Variants in IL1RAPL1 observed in about 807,000 individuals in gnomAD.
IL1RAPL1 encodes the protein interleukin 1 receptor accessory protein like 1.
A neutral mutation model predicts 48.4 loss-of-function variants in IL1RAPL1; 3 were observed. The ratio of observed to expected loss-of-function variants is 0.06; its 90% CI spans 0.03 to 0.16. IL1RAPL1 has a LOEUF of 0.16. IL1RAPL1 is among the 10% of genes least tolerant of loss of function. The pLI is 1.00. For missense variants in IL1RAPL1, 349 were observed against 530.6 expected (o/e 0.66, Z 3.36); for synonymous variants, 185 against 187.7 (o/e 0.99, Z 0.12).
chrX:28,989,289 A>G (rs747910979), intron 2 of IL1RAPL1, among the ~76,000 whole-genome samples: 1 of 112,547 alleles, frequency 8.9e-6, no homozygotes, highest in East Asian at 2.8e-4. Flanking sequence ...CTGCAGTGGA[A>G]GCCAATGCTT....
At chrX:28,725,644 C>A (rs779755850) in intron 1 of IL1RAPL1, among the ~76,000 whole-genome samples, 144 of 112,181 alleles carry the variant, frequency 1.3e-3, no homozygotes, top group Middle Eastern at 9.3e-3. Flanking sequence ...TCTGAATTTT[C>A]TTACCTTCTT....
intron 6 of IL1RAPL1, among the ~76,000 whole-genome samples, chrX:29,690,599 A>C (rs775847815): frequency 9.1e-6 from 1 of 109,835 alleles, no homozygotes; most frequent in Non-Finnish European, 1.9e-5. Flanking sequence ...AATGGAATTT[A>C]AAAAAAAATT....
chrX:28,730,200 A>G (rs1051153011), intron 1 of IL1RAPL1, among the ~76,000 whole-genome samples: 6 of 111,774 alleles, frequency 5.4e-5, no homozygotes, highest in Admixed American at 3.8e-4. Context: ...AAGGAAAACA[A>G]TGACAACTTT....
intron 1 of IL1RAPL1, among the ~76,000 whole-genome samples, chrX:28,746,690 C>T (rs903408818): frequency 2.7e-5 from 3 of 111,320 alleles, no homozygotes; most frequent in East Asian, 2.8e-4. Flanking sequence ...CTGCAATATC[C>T]GTGTAAGAAG....
chrX:28,887,232 G>A (rs1349133588), intron 2 of IL1RAPL1, among the ~76,000 whole-genome samples: 3 of 111,236 alleles, frequency 2.7e-5, no homozygotes, highest in Admixed American at 9.6e-5. Context: ...AGTGTTCAGC[G>A]ATCTTGCTCT....
chrX:28,829,197 T>C (rs1351771501), intron 2 of IL1RAPL1, among the ~76,000 whole-genome samples: 2 of 112,064 alleles, frequency 1.8e-5, no homozygotes, highest in Non-Finnish European at 3.8e-5. Context: ...TTGAATGCTG[T>C]ATCCTTGCTG....
At chrX:28,894,567 A>C (rs1922856427) in intron 2 of IL1RAPL1, among the ~76,000 whole-genome samples, 2 of 111,287 alleles carry the variant, frequency 1.8e-5, no homozygotes, top group Non-Finnish European at 3.8e-5. Context: ...TAGCTGAAGG[A>C]GCCGGGGAGC....
rs746079890 is a variant in IL1RAPL1, at chrX:29,250,726, T to C, written c.83-32212T>C. On this transcript the variant is annotated intron_variant, in intron 2 of 10. Transcript: ENST00000378993. The stretch of plus-strand genomic sequence containing the variant: ...TTTACTTTGATACTTCCATGTAAAC[T>C]CCTGTTTGTATCAGCAGTGGTACCT... Among the ~76,000 whole-genome samples, 81 of 111,941 alleles carry C rather than the reference T, an allele frequency of 7.2e-4. 1 individual carries two copies. The highest frequency in any genetic ancestry group is 2.6e-3 in the African/African-American group (79 of 30,918).
chrX:29,817,996 G>A (rs1040442409), intron 6 of IL1RAPL1, among the ~76,000 whole-genome samples: 1 of 111,733 alleles, frequency 8.9e-6, no homozygotes, highest in African/African-American at 3.3e-5. Flanking sequence ...ACGCTTTATA[G>A]GTCAAAGTAG....
At chrX:29,926,561 A>T (rs1031581371) in intron 8 of IL1RAPL1, among the ~76,000 whole-genome samples, 3 of 112,082 alleles carry the variant, frequency 2.7e-5, no homozygotes, top group African/African-American at 9.7e-5. Flanking sequence ...AAAGTACCAA[A>T]CCCACTTAGT....
At chrX:29,884,317 T>A (rs1190220857) in intron 6 of IL1RAPL1, among the ~76,000 whole-genome samples, 1 of 111,415 alleles carries the variant, frequency 9.0e-6, no homozygotes, top group African/African-American at 3.3e-5. Context: ...TGGTGTTCAA[T>A]TTAATAGTTA....
chrX:29,337,519 A>G (rs1317713557), intron 3 of IL1RAPL1, among the ~76,000 whole-genome samples: 1 of 111,368 alleles, frequency 9.0e-6, no homozygotes, highest in African/African-American at 3.3e-5. Flanking sequence ...TGCTTATTAT[A>G]TATGTGACCT....
intron 7 of IL1RAPL1, 29 bp from the exon 8 acceptor site, chrX:29,919,920 G>C: frequency 8.4e-7 from 1 of 1,196,568 alleles, no homozygotes; most frequent in Non-Finnish European, 1.1e-6. Context: ...TGTTTGTGTG[G>C]ATTTTTGTTT....
chrX:29,407,210 A>G (rs758613346), intron 5 of IL1RAPL1, among the ~76,000 whole-genome samples: 1 of 111,689 alleles, frequency 9.0e-6, no homozygotes, highest in South Asian at 3.7e-4. Context: ...AGAAGCCCCC[A>G]TATGCCCTTC....
chrX:29,014,127 T>A lies in IL1RAPL1; in HGVS notation c.82+224702T>A, dbSNP rs143308646. Among the ~76,000 whole-genome samples the A allele has an allele frequency of 2.7e-3, 306 of 111,604 alleles. 1 individual carries two copies. The highest frequency in any genetic ancestry group is 8.7e-3 in the African/African-American group (268 of 30,767). On this transcript the variant is annotated intron_variant, in intron 2 of 10. Coordinates refer to ENST00000378993, the MANE Select transcript of IL1RAPL1 (RefSeq NM_014271.4). ...TTCCTCACATCAAACAAGGGTAATT[T>A]TGTAGATGTAGAAGTTTTGATGGAA...
chrX:29,147,075 C>G (rs1412650413), intron 2 of IL1RAPL1, among the ~76,000 whole-genome samples: 1 of 112,545 alleles, frequency 8.9e-6, no homozygotes, highest in Non-Finnish European at 1.9e-5. Flanking sequence ...AAGTTTGGCA[C>G]AAGTCTTAAT....
chrX:29,512,151 G>A (rs1292509601), intron 5 of IL1RAPL1, among the ~76,000 whole-genome samples: 1 of 109,774 alleles, frequency 9.1e-6, no homozygotes, highest in African/African-American at 3.3e-5. Flanking sequence ...TTACAAAATC[G>A]AGTCTTACAT....
chrX:28,791,934 G>A (rs1289453410), intron 2 of IL1RAPL1, among the ~76,000 whole-genome samples: 1 of 111,721 alleles, frequency 9.0e-6, no homozygotes. Flanking sequence ...AAGTAGAAGA[G>A]GAGTGTAGTT....
chrX:29,670,114 T>G (rs186658586), intron 6 of IL1RAPL1, among the ~76,000 whole-genome samples: 67 of 111,655 alleles, frequency 6.0e-4, no homozygotes, highest in African/African-American at 2.0e-3. Flanking sequence ...TATGGTTGAT[T>G]GTTGCCCATT....
Sources: allele counts gnomAD v4.1 joint callset (sites outside exome capture counted in the v4.1 genomes callset), GRCh38; gene constraint gnomAD v4.1.1; transcripts MANE v1.5; gene names NCBI Gene and HGNC (gene_info 2026-07-23, HGNC 2026-07-21).